B3GALT1: variants seen among roughly 807,000 people sequenced by gnomAD.
B3GALT1 encodes the protein beta-1,3-galactosyltransferase 1, also known as UDP-Gal:betaGlcNAc beta 1,3-galactosyltransferase, polypeptide 1.
A neutral mutation model predicts 23.2 loss-of-function variants in B3GALT1; 10 were observed. The observed-to-expected ratio is 0.43, with a 90% CI of 0.27 to 0.73. The LOEUF is 0.73. Ranked by LOEUF, B3GALT1 falls within the 30% of genes least tolerant of loss-of-function variation. B3GALT1 has a pLI of 0.21. For missense variants in B3GALT1, 299 were observed against 405.4 expected (o/e 0.74, Z 2.25); for synonymous variants, 156 against 141.5 (o/e 1.10, Z -0.73).
chr2:167,736,848 CA>C (rs1442508826), intron 3 of B3GALT1, among the ~76,000 whole-genome samples: 1 of 152,090 alleles, frequency 6.6e-6, no homozygotes, highest in Non-Finnish European at 1.5e-5. Flanking sequence ...GCATGAGAAT[CA>C]CTTGAACCTG....
chr2:167,579,133 T>C (rs957253570), intron 2 of B3GALT1, among the ~76,000 whole-genome samples: 2 of 152,068 alleles, frequency 1.3e-5, no homozygotes, highest in African/African-American at 4.8e-5. Context: ...CTAATAAGTC[T>C]TCAGAGACTG....
chr2:167,467,213 C>G (rs1251926149), intron 1 of B3GALT1, among the ~76,000 whole-genome samples: 1 of 151,966 alleles, frequency 6.6e-6, no homozygotes, highest in Non-Finnish European at 1.5e-5. Flanking sequence ...CTGACCCACT[C>G]AGGACCTCAT....
chr2:167,633,595 T>G (rs935552744), intron 2 of B3GALT1, among the ~76,000 whole-genome samples: 3 of 151,924 alleles, frequency 2.0e-5, no homozygotes, highest in African/African-American at 7.3e-5. Flanking sequence ...AGAAGGGTAT[T>G]TACATAATGG....
intron 1 of B3GALT1, among the ~76,000 whole-genome samples, chr2:167,372,589 A>G (rs1302383286): frequency 6.6e-6 from 1 of 152,114 alleles, no homozygotes; most frequent in South Asian, 2.1e-4. Flanking sequence ...GAAAACCCTA[A>G]ATAGTCTAAA....
intron 3 of B3GALT1, among the ~76,000 whole-genome samples, chr2:167,692,179 C>G (rs1460539047): frequency 6.6e-6 from 1 of 152,152 alleles, no homozygotes; most frequent in East Asian, 1.9e-4. Flanking sequence ...GTCCTTGATC[C>G]TCATGACCAC....
intron 1 of B3GALT1, among the ~76,000 whole-genome samples, chr2:167,314,170 T>C (rs1438982370): frequency 6.6e-6 from 1 of 152,128 alleles, no homozygotes; most frequent in Non-Finnish European, 1.5e-5. Context: ...TGGCACAGGT[T>C]TCCAGACTTA....
chr2:167,496,848 C>T (rs1205159177), intron 2 of B3GALT1, among the ~76,000 whole-genome samples: 2 of 152,150 alleles, frequency 1.3e-5, no homozygotes, highest in East Asian at 3.9e-4. Flanking sequence ...CATTGACACT[C>T]TGTAACCCTG....
chr2:167,869,431 A>G lies in B3GALT1; in HGVS notation c.392A>G (p.Glu131Gly). The G allele has an allele frequency of 1.2e-6, 2 of 1,614,108 alleles. No individual in the cohort carries two copies. Among genetic ancestry groups the G allele is most frequent in the Non-Finnish European group, 1.7e-6 (2 of 1,180,022 alleles). ...NADPVLNQMV[E>G]QESQIFHDII... The stretch of plus-strand genomic sequence containing the variant: ...GATCCTGTTCTCAATCAGATGGTGG[A>G]GCAAGAGAGCCAAATCTTCCATGAT... The change falls in exon 5 of 5, where the codon GAG (glutamate) becomes GGG (glycine). Residue 131 changes from glutamate to glycine, a missense_variant. By Grantham distance (98) the Glu-to-Gly change is moderately conservative. This residue lies in a region of B3GALT1 where 162 missense variants were observed against 184.1 expected (regional missense o/e 0.88). Coordinates refer to ENST00000392690, the MANE Select transcript of B3GALT1 (RefSeq NM_020981.4). The surrounding 1 kb of genome is among the most constrained non-coding windows in gnomAD (Gnocchi z 6.4).
chr2:167,849,292 A>C (rs1689822865), intron 4 of B3GALT1, among the ~76,000 whole-genome samples: 1 of 152,216 alleles, frequency 6.6e-6, no homozygotes, highest in African/African-American at 2.4e-5. Flanking sequence ...AAGCAAAAAG[A>C]ACAAATCTGG....
chr2:167,413,180 C>T (rs995899126), intron 1 of B3GALT1, among the ~76,000 whole-genome samples: 4 of 151,980 alleles, frequency 2.6e-5, no homozygotes, highest in Middle Eastern at 3.4e-3. Flanking sequence ...TGCAATAAAG[C>T]TGACAAGGAG....
chr2:167,485,224 A>G (rs1032373093), intron 1 of B3GALT1, among the ~76,000 whole-genome samples: 7 of 152,176 alleles, frequency 4.6e-5, no homozygotes, highest in Non-Finnish European at 8.8e-5. Flanking sequence ...ATCAAAATAT[A>G]ATGCTATTAA....
intron 2 of B3GALT1, among the ~76,000 whole-genome samples, chr2:167,562,502 A>G (rs1198382308): frequency 6.6e-6 from 1 of 152,128 alleles, no homozygotes; most frequent in African/African-American, 2.4e-5. Flanking sequence ...AATTAGGAAA[A>G]GAGGAAGTCA....
chr2:167,691,888 G>C (rs1378070092), intron 3 of B3GALT1, among the ~76,000 whole-genome samples: 1 of 152,106 alleles, frequency 6.6e-6, no homozygotes, highest in Non-Finnish European at 1.5e-5. Flanking sequence ...AGTAACCTAC[G>C]AGGCATATTA....
intron 2 of B3GALT1, among the ~76,000 whole-genome samples, chr2:167,569,372 T>C (rs1684245412): frequency 6.6e-6 from 1 of 151,988 alleles, no homozygotes; most frequent in Non-Finnish European, 1.5e-5. Flanking sequence ...TAGATATTTT[T>C]ATTAGAGATT....
At chr2:167,485,648 G>A (rs577548306) in intron 1 of B3GALT1, among the ~76,000 whole-genome samples, 12 of 152,264 alleles carry the variant, frequency 7.9e-5, no homozygotes, top group Non-Finnish European at 1.5e-4. Flanking sequence ...TGTGTCCTTA[G>A]TACTTTGCAT....
rs74586560 is a variant in B3GALT1, at chr2:167,433,816, T to G, written c.-510-56361T>G. On this transcript the variant is annotated intron_variant, in intron 1 of 4. Transcript: ENST00000392690. The stretch of plus-strand genomic sequence containing the variant: ...TGGATCACGCCTGTAATTACAGCAC[T>G]TGGGGAGGCTGAGGTGGGAAGAGAT... Among the ~76,000 whole-genome samples, 4 of 152,214 alleles carry G rather than the reference T, an allele frequency of 2.6e-5. No homozygotes were observed. The East Asian group carries it at 7.7e-4, about 29-fold the overall frequency.
chr2:167,766,871 T>A (rs1437490873), intron 3 of B3GALT1, among the ~76,000 whole-genome samples: 1 of 152,186 alleles, frequency 6.6e-6, no homozygotes, highest in East Asian at 1.9e-4. Context: ...AAAAAGTGCC[T>A]TAAGCATCGC....
chr2:167,545,907 T>C (rs1244591610), intron 2 of B3GALT1, among the ~76,000 whole-genome samples: 1 of 152,244 alleles, frequency 6.6e-6, no homozygotes, highest in Admixed American at 6.5e-5. Context: ...ATGAGTTATC[T>C]TGGGGATGGG....
chr2:167,318,340 CAATT>C (rs1696751119), intron 1 of B3GALT1, among the ~76,000 whole-genome samples: 2 of 151,982 alleles, frequency 1.3e-5, no homozygotes, highest in South Asian at 4.2e-4. Context: ...AACAAACAAA[CAATT>C]AAGCAAAATA....
Sources: allele counts gnomAD v4.1 joint callset (sites outside exome capture counted in the v4.1 genomes callset), GRCh38; gene constraint gnomAD v4.1.1; regional missense constraint gnomAD v4.1.1; non-coding constraint Gnocchi (gnomAD v3.1); transcripts MANE v1.5; gene names NCBI Gene and HGNC (gene_info 2026-07-23, HGNC 2026-07-21).